Variants in MRPL47 observed in about 807,000 individuals in gnomAD.
MRPL47 encodes mitochondrial ribosomal protein L47.
In MRPL47, 31 loss-of-function variants were observed where a neutral mutation model predicts 34.0. The ratio of observed to expected loss-of-function variants is 0.91; its 90% CI spans 0.68 to 1.23. MRPL47 has a LOEUF of 1.23. Ranked by LOEUF, MRPL47 falls within the 50% of genes most tolerant of loss-of-function variation. The probability of loss-of-function intolerance (pLI) is 0.00; values close to 1 mark genes in which losing one functional copy is unlikely to be tolerated. For synonymous variants in MRPL47, 106 were observed against 101.6 expected, an observed-to-expected ratio of 1.04 and a Z score of -0.26; for missense variants, 328 against 285.8, an observed-to-expected ratio of 1.15 and a Z score of -1.07.
At position 179,597,435 on chromosome 3, in the gene MRPL47, A is replaced by G. The variant is rs796791983; in HGVS notation, c.402+1240T>C. ...ATTATAAAAACTGAGTTCTGTTCTC[A>G]CTACTTACTATGCCACAGAAAAAAA... On this transcript the variant is annotated intron_variant, in intron 4 of 6. Transcript: ENST00000476781. Among the ~76,000 whole-genome samples, 13 of 152,336 alleles carry G rather than the reference A, an allele frequency of 8.5e-5. 1 individual carries two copies. Among genetic ancestry groups the G allele is most frequent in the African/African-American group, 2.9e-4 (12 of 41,568 alleles).
intron 2 of MRPL47, among the ~76,000 whole-genome samples, 168 bp from the exon 3 acceptor site, chr3:179,601,958 C>T (rs534770617): frequency 2.0e-5 from 3 of 152,224 alleles, no homozygotes; most frequent in South Asian, 2.1e-4. Context: ...AGGTAACATA[C>T]GAAAATACTA....
At chr3:179,601,034 A>C (rs892881182) in intron 3 of MRPL47, among the ~76,000 whole-genome samples, 1 of 152,220 alleles carries the variant, frequency 6.6e-6, no homozygotes, top group Non-Finnish European at 1.5e-5. Context: ...TTCTCAATTA[A>C]ATGCATCCTC....
At chr3:179,602,406 CTTACT>C (rs1301253273) in intron 2 of MRPL47, among the ~76,000 whole-genome samples, 1 of 152,098 alleles carries the variant, frequency 6.6e-6, no homozygotes, top group African/African-American at 2.4e-5. Flanking sequence ...AGCCCTAAAC[CTTACT>C]TTAGTTAATA....
At chr3:179,596,360 G>A (rs894051497) in intron 4 of MRPL47, among the ~76,000 whole-genome samples, 1 of 152,004 alleles carries the variant, frequency 6.6e-6, no homozygotes, top group Non-Finnish European at 1.5e-5. Flanking sequence ...GCTTAATAAA[G>A]TTTCCTTAGT....
At chr3:179,604,075 A>G (rs920046083) in intron 1 of MRPL47, among the ~76,000 whole-genome samples, 1 of 152,198 alleles carries the variant, frequency 6.6e-6, no homozygotes, top group Admixed American at 6.5e-5. Flanking sequence ...GACCAAGAAA[A>G]ATAAATAAAT....
At chr3:179,600,526 C>T (rs1400143481) in intron 3 of MRPL47, among the ~76,000 whole-genome samples, 1 of 152,118 alleles carries the variant, frequency 6.6e-6, no homozygotes, top group Non-Finnish European at 1.5e-5. Context: ...CCTATAATCC[C>T]AGCTACTTGA....
In MRPL47 at chr3:179,588,847, T is replaced by C. The variant is rs368367781; in HGVS notation, c.*25A>G. ...CACAGACTATTCAAGAAAAACAAAATGGTAAATTTAATAGTTCAGACATCT... is the reference window on the plus strand; with the variant it reads ...CACAGACTATTCAAGAAAAACAAAACGGTAAATTTAATAGTTCAGACATCT... On this transcript the variant is annotated 3_prime_UTR_variant, in exon 7 of 7. Transcript: ENST00000476781. 121 of 1,603,714 alleles carry C rather than the reference T, an allele frequency of 7.5e-5. No individual in the cohort carries two copies. In the African/African-American group the frequency reaches 1.4e-3, roughly 19 times the overall value.
At chr3:179,603,597 C>T (rs1718981798) in intron 1 of MRPL47, among the ~76,000 whole-genome samples, 1 of 152,150 alleles carries the variant, frequency 6.6e-6, no homozygotes, top group South Asian at 2.1e-4. Flanking sequence ...GCCTCAAATA[C>T]TTCCTCCTTT....
At chr3:179,589,485 C>A (rs1718616745) in intron 6 of MRPL47, among the ~76,000 whole-genome samples, 2 of 152,146 alleles carry the variant, frequency 1.3e-5, no homozygotes, top group Non-Finnish European at 2.9e-5. Flanking sequence ...GACACATTTG[C>A]TGCATAAATT....
Position 179,593,748 on chromosome 3 carries a change from C to T in MRPL47, c.533+17G>A. 6.3e-7 allele frequency: 1 copy of T among 1,598,990 alleles called. No individual in the cohort carries two copies. Among genetic ancestry groups the T allele is most frequent in the Non-Finnish European group, 8.5e-7 (1 of 1,174,736 alleles). ...TTCCACTCTCATCTTAGAAGAGCCA[C>T]AGTGTTAACTACATACCAGATGATT... is the stretch of plus-strand genomic sequence containing the variant. On this transcript the variant is annotated intron_variant, in intron 5 of 6. Coordinates refer to ENST00000476781, the MANE Select transcript of MRPL47 (RefSeq NM_020409.3).
intron 1 of MRPL47, 42 bp downstream of exon 1, chr3:179,604,485 A>G: frequency 2.6e-6 from 4 of 1,565,738 alleles, no homozygotes; most frequent in Non-Finnish European, 3.5e-6. Flanking sequence ...AACAAGATCC[A>G]AAGTTGGAGA....
intron 2 of MRPL47, 65 bp downstream of exon 2, chr3:179,602,587 G>T: frequency 1.2e-6 from 1 of 850,536 alleles, no homozygotes; most frequent in South Asian, 1.6e-5. Flanking sequence ...TAGAACGATG[G>T]TTGGGCGGGG....
chr3:179,594,407 ATACTAT>A (rs1718748220), intron 4 of MRPL47, among the ~76,000 whole-genome samples: 1 of 152,216 alleles, frequency 6.6e-6, no homozygotes, highest in Non-Finnish European at 1.5e-5. Context: ...ATGCAAGATG[ATACTAT>A]TAAACTTCTA....
At chr3:179,603,802 T>C (rs913113557) in intron 1 of MRPL47, among the ~76,000 whole-genome samples, 1 of 152,154 alleles carries the variant, frequency 6.6e-6, no homozygotes, top group African/African-American at 2.4e-5. Context: ...AAATCCTGTT[T>C]TTAAAAAATA....
intron 4 of MRPL47, among the ~76,000 whole-genome samples, chr3:179,594,564 C>T (rs1167460833): frequency 6.6e-6 from 1 of 152,164 alleles, no homozygotes; most frequent in African/African-American, 2.4e-5. Context: ...CTCATTGCAA[C>T]CTCCACCTTC....
In MRPL47 at chr3:179,588,727, G is replaced by T; in HGVS notation, c.*145C>A. The T allele has an allele frequency of 1.4e-6, 1 of 690,250 alleles. No individual in the cohort carries two copies. The highest frequency in any genetic ancestry group is 2.3e-6 in the Non-Finnish European group (1 of 435,292). The allele number at this position is 690,250 out of a possible 1,614,324, so 42.8% of individuals were successfully genotyped here. A position where few individuals can be genotyped will look rare whatever the true frequency, so the allele number is the denominator to read the frequency against. ...TAGCTTCTACCAAATTAGCTAATTA[G>T]CATGCCATATTCACACTTAGAACAA... On this transcript the variant is annotated 3_prime_UTR_variant, in exon 7 of 7. Coordinates refer to ENST00000476781, the MANE Select transcript of MRPL47 (RefSeq NM_020409.3).
chr3:179,593,784 T>C lies in MRPL47; in HGVS notation c.514A>G (p.Ile172Val), dbSNP rs1718727906. ...ACATACCAGATGATTCTTCCAAAGA[T>C]GTCTCTTCTCCAAGCACCAGGTCTA... ...RARPGAWRRD[I>V]FGRIIWHKFK... Residue 172 changes from isoleucine (I) to valine (V), a missense_variant, in exon 5 of 7, where the codon ATC (isoleucine) becomes GTC (valine). Coordinates refer to ENST00000476781, the MANE Select transcript of MRPL47 (RefSeq NM_020409.3). The C allele has an allele frequency of 6.2e-7, 1 of 1,613,632 alleles. No homozygotes were observed. Among genetic ancestry groups the C allele is most frequent in the Non-Finnish European group, 8.5e-7 (1 of 1,179,816 alleles).
intron 3 of MRPL47, among the ~76,000 whole-genome samples, chr3:179,599,675 G>T (rs1391862996): frequency 5.3e-5 from 8 of 152,194 alleles, no homozygotes; most frequent in Non-Finnish European, 7.3e-5. Flanking sequence ...AGAATTAAGT[G>T]GGGGAGATGA....
intron 3 of MRPL47, among the ~76,000 whole-genome samples, chr3:179,599,331 G>A (rs1376295748): frequency 6.6e-6 from 1 of 152,168 alleles, no homozygotes; most frequent in Non-Finnish European, 1.5e-5. Flanking sequence ...ATAAAACATA[G>A]TCCTTACATT....
Sources: gnomAD v4.1 joint callset for allele counts (sites outside exome capture counted in the v4.1 genomes callset) on GRCh38, gnomAD v4.1.1 for gene constraint, MANE v1.5 for transcripts, NCBI Gene and HGNC (gene_info 2026-07-23, HGNC 2026-07-21) for gene names.